The following ITPKC variants were observed in gnomAD, a reference collection of about 807,000 sequenced individuals.
ITPKC encodes the protein IP3 3-kinase C.
Under a neutral mutation model 67.1 loss-of-function variants are expected in ITPKC, and 33 were observed. That is an observed-to-expected ratio of 0.49 (90% confidence interval 0.37 to 0.66). The LOEUF is 0.66. ITPKC is among the 30% of genes least tolerant of loss of function. ITPKC has a pLI of 0.00. For missense variants in ITPKC, 820 were observed against 892.1 expected (o/e 0.92, Z 1.03); for synonymous variants, 341 against 359.8 (o/e 0.95, Z 0.59).
At chr19:40,719,063 ACGTGGGGCTGGGAGC>A (rs907808951) in intron 1 of ITPKC, among the ~76,000 whole-genome samples, 10 of 152,126 alleles carry the variant, frequency 6.6e-5, no homozygotes, top group South Asian at 2.1e-4. Context: ...GGAGAGCCTC[ACGTGGGGCTGGGAGC>A]CGTGGGGCTG....
At chr19:40,719,183 T>A (rs1389057119) in intron 1 of ITPKC, among the ~76,000 whole-genome samples, 4 of 152,132 alleles carry the variant, frequency 2.6e-5, no homozygotes, top group Admixed American at 2.6e-4. Flanking sequence ...TGAGCCCCGC[T>A]TCACCCCACA....
intron 4 of ITPKC, 130 bp from the exon 5 acceptor site, chr19:40,736,856 G>A (rs2082296708): frequency 3.6e-6 from 2 of 561,944 alleles, no homozygotes; most frequent in South Asian, 2.0e-5. Flanking sequence ...ATAGAGATGG[G>A]GTCTTGCTGT....
intron 5 of ITPKC, 70 bp downstream of exon 5, chr19:40,737,157 C>T: frequency 9.6e-7 from 1 of 1,043,460 alleles, no homozygotes; most frequent in Non-Finnish European, 1.4e-6. Flanking sequence ...GCTCCAGAGT[C>T]AGTGGTCTTC....
chr19:40,723,654 G>A (rs2082233161), intron 1 of ITPKC, among the ~76,000 whole-genome samples: 4 of 151,816 alleles, frequency 2.6e-5, no homozygotes, highest in South Asian at 2.1e-4. Context: ...GTATCACCAC[G>A]CCCGGCTAAT....
At chr19:40,738,454 T>C (rs1052126815) in intron 6 of ITPKC, among the ~76,000 whole-genome samples, 3 of 151,082 alleles carry the variant, frequency 2.0e-5, no homozygotes, top group Admixed American at 6.6e-5. Flanking sequence ...AACAACAAAA[T>C]TAGCCAGAAA....
In ITPKC at chr19:40,717,639, G is replaced by A; in HGVS notation, c.504G>A (p.Gly168=). The A allele has an allele frequency of 3.1e-6, 5 of 1,614,112 alleles. No individual in the cohort carries two copies. The highest frequency in any genetic ancestry group is 4.2e-6 in the Non-Finnish European group (5 of 1,179,994). Residue 168 remains glycine, a synonymous_variant, in exon 1 of 7, where the codon GGG becomes GGA. Transcript: ENST00000263370. ...PEEASPWTQP[G]VHGPWTELET... is the part of the protein sequence containing the mutation. ...AGGCCAGCCCCTGGACACAGCCAGG[G>A]GTTCATGGGCCCTGGACAGAGCTGG...
At chr19:40,730,318 T>TACAC (rs914605388) in intron 3 of ITPKC, among the ~76,000 whole-genome samples, 2 of 151,434 alleles carry the variant, frequency 1.3e-5, no homozygotes, top group African/African-American at 2.4e-5. Context: ...GGAGGCTGTA[T>TACAC]ACACACACAC....
chr19:40,739,239 G>C (rs997750612), intron 6 of ITPKC, 118 bp from the exon 7 acceptor site: 2 of 703,258 alleles, frequency 2.8e-6, no homozygotes, highest in Non-Finnish European at 4.8e-6. Context: ...GCCAGGATAT[G>C]AATCAGGCAG....
intron 2 of ITPKC, among the ~76,000 whole-genome samples, chr19:40,728,686 CAG>C (rs1316026122): frequency 1.3e-5 from 2 of 152,280 alleles, no homozygotes; most frequent in East Asian, 3.9e-4. Flanking sequence ...GTTTAAGCAA[CAG>C]AGAACAGAAA....
intron 3 of ITPKC, among the ~76,000 whole-genome samples, chr19:40,730,326 C>CAT (rs2082264949): frequency 6.6e-6 from 1 of 152,130 alleles, no homozygotes; most frequent in African/African-American, 2.4e-5. Flanking sequence ...TATACACACA[C>CAT]ACACACAGAC....
chr19:40,726,433 C>T (rs1043752564), intron 2 of ITPKC, among the ~76,000 whole-genome samples: 2 of 152,166 alleles, frequency 1.3e-5, no homozygotes, highest in African/African-American at 4.8e-5. Flanking sequence ...AAGGCTAGGC[C>T]ATAAATATCT....
At position 40,739,599 on chromosome 19, in the gene ITPKC, T is replaced by A; in HGVS notation, c.*39T>A. On this transcript the variant is annotated 3_prime_UTR_variant, in exon 7 of 7. Transcript: ENST00000263370. Reference sequence around the variant, plus strand: ...CATCAGGTTAATTGGATGGCGCCAGTCTGGCTGGAGGAGCCCTGAGATGCC... The same window carrying A: ...CATCAGGTTAATTGGATGGCGCCAGACTGGCTGGAGGAGCCCTGAGATGCC... 1 of 1,574,534 alleles carries A rather than the reference T, an allele frequency of 6.4e-7. No individual in the cohort carries two copies. Among genetic ancestry groups the A allele is most frequent in the Middle Eastern group, 1.7e-4 (1 of 5,858 alleles).
chr19:40,735,862 C>CTG (rs1214998740), intron 4 of ITPKC, among the ~76,000 whole-genome samples: 1 of 152,210 alleles, frequency 6.6e-6, no homozygotes, highest in Non-Finnish European at 1.5e-5. Context: ...AGGCACTGTG[C>CTG]TGTGCATCCT....
At chr19:40,725,238 G>A in intron 1 of ITPKC, 102 bp from the exon 2 acceptor site, 1 of 724,180 alleles carries the variant, frequency 1.4e-6, no homozygotes, top group South Asian at 1.7e-5. Flanking sequence ...CCCTGGCCCT[G>A]GAAAGACTGC....
Position 40,729,714 on chromosome 19 carries a change from C to T in ITPKC, c.1469+299C>T, listed in dbSNP as rs373788628. ...CCTGGGAGGTGGAGGTTGCGGTGAGCTGAGATTGAGCCATTGCACTCCAGC... is the reference window on the plus strand; with the variant it reads ...CCTGGGAGGTGGAGGTTGCGGTGAGTTGAGATTGAGCCATTGCACTCCAGC... On this transcript the variant is annotated intron_variant, in intron 3 of 6. Transcript: ENST00000263370. Among the ~76,000 whole-genome samples, 3 of 152,112 alleles carry T rather than the reference C, an allele frequency of 2.0e-5. No homozygotes were observed. The South Asian group carries it at 6.2e-4, about 32-fold the overall frequency.
At chr19:40,720,609 G>T (rs1177226028) in intron 1 of ITPKC, among the ~76,000 whole-genome samples, 1 of 151,744 alleles carries the variant, frequency 6.6e-6, no homozygotes, top group East Asian at 1.9e-4. Flanking sequence ...GCCCAGCTTT[G>T]TCTGCTCAGG....
chr19:40,722,229 G>C (rs1346251054), intron 1 of ITPKC, among the ~76,000 whole-genome samples: 1 of 152,072 alleles, frequency 6.6e-6, no homozygotes, highest in African/African-American at 2.4e-5. Flanking sequence ...AGCGCTGTGT[G>C]GGGTGATGTT....
intron 1 of ITPKC, among the ~76,000 whole-genome samples, chr19:40,721,688 A>T (rs1361468092): frequency 6.6e-6 from 1 of 151,770 alleles, no homozygotes; most frequent in Non-Finnish European, 1.5e-5. Flanking sequence ...CATAAAACAG[A>T]GAGAGAAGAT....
Position 40,738,780 on chromosome 19 carries a change from A to G in ITPKC, c.1849-577A>G, listed in dbSNP as rs2082307263. On this transcript the variant is annotated intron_variant, in intron 6 of 6. Transcript: ENST00000263370. ...TGCCCAGCAGCCTCTGAGGTAAATGATCCTACAGTCGACCCCTTATCCTCA... is the reference window on the plus strand; with the variant it reads ...TGCCCAGCAGCCTCTGAGGTAAATGGTCCTACAGTCGACCCCTTATCCTCA... Among the ~76,000 whole-genome samples the G allele has an allele frequency of 3.9e-5, 6 of 152,332 alleles. 1 individual carries two copies. In the South Asian group the frequency reaches 1.2e-3, roughly 32 times the overall value.
Sources: gnomAD v4.1 joint callset for allele counts (sites outside exome capture counted in the v4.1 genomes callset) on GRCh38, gnomAD v4.1.1 for gene constraint, MANE v1.5 for transcripts, NCBI Gene and HGNC (gene_info 2026-07-23, HGNC 2026-07-21) for gene names.